The following ROBO1 variants were observed in gnomAD, a reference collection of about 807,000 sequenced individuals.
ROBO1 encodes roundabout guidance receptor 1.
ROBO1 carries 149 observed loss-of-function variants against 195.9 expected under a neutral mutation model. That is an observed-to-expected ratio of 0.76 (90% CI 0.67 to 0.87). The LOEUF is 0.87. Ranked by LOEUF, ROBO1 falls within the 40% of genes least tolerant of loss-of-function variation. The pLI, the probability that ROBO1 is intolerant of heterozygous loss-of-function variation, is 0.00. For synonymous variants in ROBO1, 816 were observed against 733.2 expected (o/e 1.11, Z -1.82); for missense variants, 1,933 against 2,068.3 (o/e 0.93, Z 1.27).
intron 24 of ROBO1, among the ~76,000 whole-genome samples, chr3:78,633,365 A>AG (rs1705295484): frequency 6.6e-6 from 1 of 152,202 alleles, no homozygotes; most frequent in Admixed American, 6.5e-5. Context: ...TGAAGACCAC[A>AG]GGGAAGAGGC....
intron 4 of ROBO1, among the ~76,000 whole-genome samples, chr3:78,843,136 A>T (rs1576274847): frequency 6.6e-6 from 1 of 152,120 alleles, no homozygotes; most frequent in East Asian, 1.9e-4. Flanking sequence ...GAATTTTTTT[A>T]AAACTAGTAA....
At chr3:78,656,610 C>G (rs77172336) in intron 18 of ROBO1, among the ~76,000 whole-genome samples, 6 of 152,210 alleles carry the variant, frequency 3.9e-5, no homozygotes, top group Admixed American at 3.3e-4. Flanking sequence ...CTCGGCCTCC[C>G]AGAGTGTTGG....
chr3:79,386,404 C>T (rs932793122), intron 2 of ROBO1, among the ~76,000 whole-genome samples: 11 of 152,002 alleles, frequency 7.2e-5, no homozygotes, highest in African/African-American at 1.9e-4. Context: ...TATTCATAAA[C>T]GGGAGAAGGA....
intron 5 of ROBO1, among the ~76,000 whole-genome samples, chr3:78,724,960 C>T (rs1207306505): frequency 6.6e-6 from 1 of 152,184 alleles, no homozygotes; most frequent in Non-Finnish European, 1.5e-5. Context: ...CTATCAAAAA[C>T]TAGTTTGTGT....
chr3:78,843,597 C>T (rs962786520), intron 4 of ROBO1, among the ~76,000 whole-genome samples: 11 of 152,004 alleles, frequency 7.2e-5, no homozygotes, highest in African/African-American at 1.7e-4. Flanking sequence ...GAGTATGTCT[C>T]GGAGAAAGTT....
At chr3:79,223,299 A>G (rs1047159112) in intron 2 of ROBO1, among the ~76,000 whole-genome samples, 8 of 152,140 alleles carry the variant, frequency 5.3e-5, no homozygotes, top group African/African-American at 1.9e-4. Flanking sequence ...TATATCTCAT[A>G]AATCTACGTT....
intron 4 of ROBO1, among the ~76,000 whole-genome samples, chr3:78,766,447 G>C (rs902405983): frequency 6.6e-6 from 1 of 152,152 alleles, no homozygotes; most frequent in Non-Finnish European, 1.5e-5. Flanking sequence ...AAGACCTACT[G>C]ATTTGTGTAC....
intron 2 of ROBO1, among the ~76,000 whole-genome samples, chr3:79,349,248 C>T (rs1323293648): frequency 4.6e-5 from 7 of 152,020 alleles, no homozygotes; most frequent in Admixed American, 1.3e-4. Context: ...CTTCCTTAGG[C>T]TTGTGATGGC....
At chr3:79,340,213 T>C (rs1576996399) in intron 2 of ROBO1, among the ~76,000 whole-genome samples, 2 of 152,308 alleles carry the variant, frequency 1.3e-5, no homozygotes, top group South Asian at 2.1e-4. Context: ...ACCCAAAAGA[T>C]ACTGAACTGC....
At chr3:79,268,577 G>C (rs965231960) in intron 2 of ROBO1, among the ~76,000 whole-genome samples, 1 of 151,500 alleles carries the variant, frequency 6.6e-6, no homozygotes, top group Non-Finnish European at 1.5e-5. Context: ...TCTCAAGATG[G>C]CACTTAATTC....
intron 2 of ROBO1, among the ~76,000 whole-genome samples, chr3:79,493,436 C>A: frequency 6.6e-6 from 1 of 151,924 alleles, no homozygotes; most frequent in Admixed American, 6.5e-5. Flanking sequence ...ATTTTAAGGT[C>A]ATTTATGCTG....
chr3:78,668,807 A>G (rs1707888657), intron 11 of ROBO1, among the ~76,000 whole-genome samples: 1 of 152,230 alleles, frequency 6.6e-6, no homozygotes, highest in Non-Finnish European at 1.5e-5. Context: ...TAATTGCATT[A>G]GCATATATTA....
At chr3:79,682,805 T>C (rs1946988250) in intron 1 of ROBO1, among the ~76,000 whole-genome samples, 1 of 151,964 alleles carries the variant, frequency 6.6e-6, no homozygotes, top group East Asian at 1.9e-4. Flanking sequence ...TTAAATAATA[T>C]TGAGGATCAC....
chr3:79,584,627 GT>G (rs1943765821), intron 2 of ROBO1, among the ~76,000 whole-genome samples: 1 of 123,150 alleles, frequency 8.1e-6, no homozygotes, highest in East Asian at 2.0e-4. Flanking sequence ...GTGTGTGTGT[GT>G]GTGTGTGTGT....
chr3:78,818,644 C>A (rs2108663811), intron 4 of ROBO1, among the ~76,000 whole-genome samples: 1 of 152,348 alleles, frequency 6.6e-6, no homozygotes, highest in East Asian at 1.9e-4. Context: ...CATCTTGAAG[C>A]ATTCTTGCCT....
intron 2 of ROBO1, among the ~76,000 whole-genome samples, chr3:79,376,853 G>T (rs2036403147): frequency 6.6e-6 from 1 of 152,112 alleles, no homozygotes; most frequent in African/African-American, 2.4e-5. Context: ...CATTTGATAG[G>T]AAGGAATGAA....
chr3:79,554,624 G>T (rs1361389753), intron 2 of ROBO1, among the ~76,000 whole-genome samples: 1 of 152,006 alleles, frequency 6.6e-6, no homozygotes. Context: ...AATTTTTAAG[G>T]TATGTTGAAC....
intron 4 of ROBO1, among the ~76,000 whole-genome samples, chr3:78,825,655 A>T (rs1236271134): frequency 6.6e-6 from 1 of 152,180 alleles, no homozygotes; most frequent in Non-Finnish European, 1.5e-5. Flanking sequence ...CTCTTGGCAT[A>T]AGACGTTTAA....
chr3:78,676,565 A>C (rs942623079), intron 10 of ROBO1, among the ~76,000 whole-genome samples: 8 of 152,332 alleles, frequency 5.3e-5, no homozygotes, highest in African/African-American at 1.9e-4. Flanking sequence ...AACTGGAAGA[A>C]AGGGTATCAG....
Sources: allele counts gnomAD v4.1 joint callset (sites outside exome capture counted in the v4.1 genomes callset), GRCh38; gene constraint gnomAD v4.1.1; transcripts MANE v1.5; gene names NCBI Gene and HGNC (gene_info 2026-07-23, HGNC 2026-07-21).